The following SLC7A9 variants were observed in gnomAD, a reference collection of about 807,000 sequenced individuals.
SLC7A9 encodes the protein solute carrier family 7 member 9.
A neutral mutation model predicts 54.1 loss-of-function variants in SLC7A9; 38 were observed. The observed-to-expected ratio is 0.70, with a 90% CI of 0.54 to 0.92. The LOEUF is 0.92. Among genes scored for constraint, SLC7A9 ranks in the 40% least tolerant of loss-of-function variants. The probability of loss-of-function intolerance (pLI) is 0.00; values close to 1 mark genes in which losing one functional copy is unlikely to be tolerated. For synonymous variants in SLC7A9, 264 were observed against 258.9 expected (o/e 1.02, Z -0.19); for missense variants, 537 against 636.1 (o/e 0.84, Z 1.68).
At chr19:32,840,938 T>C (rs1968110899) in intron 11 of SLC7A9, among the ~76,000 whole-genome samples, 1 of 152,220 alleles carries the variant, frequency 6.6e-6, no homozygotes, top group African/African-American at 2.4e-5. Context: ...TGAAGTGTTT[T>C]CCTTTGGTAT....
Position 32,863,926 on chromosome 19 carries a change from A to G in SLC7A9, c.478+170T>C, listed in dbSNP as rs542165496. 4.8e-4 allele frequency among the ~76,000 whole-genome samples: 73 copies of G among 152,264 alleles called. 1 individual carries two copies. In the South Asian group the frequency reaches 0.015, roughly 30 times the overall value. On this transcript the variant is annotated intron_variant, in intron 4 of 12. Coordinates refer to ENST00000023064, the MANE Select transcript of SLC7A9 (RefSeq NM_014270.5). ...AGCGGCACCCCTCCCTGCAGCCCCCACGGGCCTGGGGGTCCCCAGTGTGCA... is the reference window on the plus strand; with the variant it reads ...AGCGGCACCCCTCCCTGCAGCCCCCGCGGGCCTGGGGGTCCCCAGTGTGCA...
chr19:32,831,463 G>GTATTTT, intron 12 of SLC7A9: 1 of 150,768 alleles, frequency 6.6e-6, no homozygotes, highest in South Asian at 2.1e-4. Flanking sequence ...ATTTTTTTTT[G>GTATTTT]TATTTTTAGT....
intron 9 of SLC7A9, among the ~76,000 whole-genome samples, chr19:32,847,817 G>A (rs139714778): frequency 0.1 from 15,851 of 152,220 alleles, 1,032 homozygotes; most frequent in Middle Eastern, 0.16. Flanking sequence ...AGGGAAGCCG[G>A]TCAGACTAAC....
At position 32,859,722 on chromosome 19, in the gene SLC7A9, T is replaced by C. The variant is rs949157959; in HGVS notation, c.873+119A>G. 6 of 922,720 alleles carry C rather than the reference T, an allele frequency of 6.5e-6. No homozygotes were observed. In the African/African-American group the frequency reaches 9.7e-5, roughly 15 times the overall value. 57.2% of individuals were successfully genotyped at this position (922,720 alleles called of 1,614,324 possible). A position where few individuals can be genotyped will look rare whatever the true frequency, so the allele number is the denominator to read the frequency against. ...CCATGCCGTGCGTGCCCAGTCCATG[T>C]CCCCGTCCGTGAATATCGCCCTCCT... On this transcript the variant is annotated intron_variant, in intron 8 of 12. Transcript: ENST00000023064.
chr19:32,845,244 C>T (rs1968252817), intron 9 of SLC7A9, among the ~76,000 whole-genome samples: 1 of 152,148 alleles, frequency 6.6e-6, no homozygotes, highest in Admixed American at 6.5e-5. Context: ...CCTATACTCC[C>T]AGCACTTTGG....
intron 9 of SLC7A9, among the ~76,000 whole-genome samples, chr19:32,854,147 G>A (rs1286812308): frequency 6.6e-6 from 1 of 151,858 alleles, no homozygotes; most frequent in Non-Finnish European, 1.5e-5. Flanking sequence ...TGAGTAGCTG[G>A]GACCACAGGC....
chr19:32,845,534 G>A (rs1261573103), intron 9 of SLC7A9, among the ~76,000 whole-genome samples: 1 of 152,036 alleles, frequency 6.6e-6, no homozygotes, highest in Non-Finnish European at 1.5e-5. Context: ...AAACCCAGGA[G>A]CCCTTGAAAC....
intron 3 of SLC7A9, 104 bp downstream of exon 3, chr19:32,864,525 G>A (rs1968905241): frequency 6.5e-7 from 1 of 1,538,002 alleles, no homozygotes; most frequent in Non-Finnish European, 8.9e-7. Context: ...TGCCATACAT[G>A]TGCCAAGAGG....
intron 9 of SLC7A9, among the ~76,000 whole-genome samples, chr19:32,846,627 C>T (rs1968304598): frequency 6.6e-6 from 1 of 152,254 alleles, no homozygotes; most frequent in African/African-American, 2.4e-5. Flanking sequence ...GCAGTAACCT[C>T]TGCAGACTTA....
chr19:32,839,795 G>A (rs1020625803), intron 11 of SLC7A9, among the ~76,000 whole-genome samples: 3 of 152,122 alleles, frequency 2.0e-5, no homozygotes, highest in Admixed American at 6.6e-5. Flanking sequence ...ATGGGAGTGG[G>A]AACAGGAAAA....
At position 32,869,246 on chromosome 19, in the gene SLC7A9, A is replaced by T. The variant is rs920251026; in HGVS notation, c.-112+440T>A. On this transcript the variant is annotated intron_variant, in intron 1 of 12. Coordinates refer to ENST00000023064, the MANE Select transcript of SLC7A9 (RefSeq NM_014270.5). ...TCAAAAAATATATATATAAAAAATT[A>T]AAAAATGAAAATATTGTGGAATGTA... is the stretch of plus-strand genomic sequence containing the variant. Among the ~76,000 whole-genome samples the T allele has an allele frequency of 2.0e-5, 3 of 152,176 alleles. No individual in the cohort carries two copies. In the South Asian group the frequency reaches 6.2e-4, roughly 32 times the overall value.
intron 2 of SLC7A9, among the ~76,000 whole-genome samples, chr19:32,866,012 CAAG>C (rs563488993): frequency 5.5e-4 from 83 of 151,196 alleles, no homozygotes; most frequent in Middle Eastern, 3.4e-3. Flanking sequence ...ACACACCAAT[CAAG>C]GAGGAAAAAA....
chr19:32,868,462 T>C lies in SLC7A9; in HGVS notation c.73A>G (p.Ser25Gly). 2.5e-6 allele frequency: 4 copies of C among 1,613,956 alleles called. No individual in the cohort carries two copies. In the East Asian group the frequency reaches 6.7e-5, roughly 27 times the overall value. ...SIQSQEPKTTSLQKELGLISG... is the reference protein window; with the variant it reads ...SIQSQEPKTTGLQKELGLISG... ...GACCGCCTTACCTCCTTTTGGAGAC[T>C]GGTGGTCTTAGGCTCTTGGCTCTGG... The change falls in exon 2 of 13, where the codon AGT (serine) becomes GGT (glycine). Residue 25 changes from serine to glycine, a missense_variant. By Grantham distance (56) the Ser-to-Gly change is moderately conservative. Transcript: ENST00000023064.
chr19:32,835,054 C>G (rs572837921), intron 11 of SLC7A9, among the ~76,000 whole-genome samples: 1 of 152,100 alleles, frequency 6.6e-6, no homozygotes, highest in Admixed American at 6.6e-5. Flanking sequence ...CCTCCCAGAG[C>G]GCTGGGATTA....
At chr19:32,858,661 A>G in intron 8 of SLC7A9, 118 bp from the exon 9 acceptor site, 1 of 725,904 alleles carries the variant, frequency 1.4e-6, no homozygotes, top group Non-Finnish European at 2.5e-6. Flanking sequence ...CTCGGGGCAC[A>G]GCCTCTGACT....
At chr19:32,852,308 T>C (rs965218666) in intron 9 of SLC7A9, among the ~76,000 whole-genome samples, 4 of 151,938 alleles carry the variant, frequency 2.6e-5, no homozygotes, top group African/African-American at 9.7e-5. Flanking sequence ...TTGGGCAACA[T>C]AGTAAGACCT....
Position 32,862,497 on chromosome 19 carries a change from T to C in SLC7A9, c.568A>G (p.Ile190Val). ...AGCACCAGCCCGCTGATGATGATGA[T>C]GGCCACGATCACCAGCTTGGCCGCG... is the stretch of plus-strand genomic sequence containing the variant. ...FTAAKLVIVA[I>V]IIISGLVLLA... The change falls in exon 5 of 13, where the codon ATC becomes GTC. Residue 190 changes from isoleucine to valine, a missense_variant. Transcript: ENST00000023064. 1.9e-6 allele frequency: 3 copies of C among 1,613,494 alleles called. No homozygotes were observed. Among genetic ancestry groups the C allele is most frequent in the Middle Eastern group, 1.8e-4 (1 of 5,576 alleles).
At chr19:32,859,159 G>A (rs1599679889) in intron 8 of SLC7A9, among the ~76,000 whole-genome samples, 1 of 152,106 alleles carries the variant, frequency 6.6e-6, no homozygotes, top group East Asian at 1.9e-4. Context: ...GAGTGTAGTG[G>A]CGTGATCACG....
intron 12 of SLC7A9, 69 bp downstream of exon 12, chr19:32,833,080 A>C: frequency 6.9e-7 from 1 of 1,443,136 alleles, no homozygotes; most frequent in African/African-American, 1.4e-5. Context: ...TCTTGGAGTC[A>C]GGACAGGTGA....
Sources: allele counts gnomAD v4.1 joint callset (sites outside exome capture counted in the v4.1 genomes callset), GRCh38; gene constraint gnomAD v4.1.1; transcripts MANE v1.5; gene names NCBI Gene and HGNC (gene_info 2026-07-23, HGNC 2026-07-21).